DOCK1: variants seen among roughly 807,000 people sequenced by gnomAD.
The protein encoded by DOCK1 is dedicator of cytokinesis 1, also known as dedicator of cytokinesis protein 1.
Under a neutral mutation model 262.7 loss-of-function variants are expected in DOCK1, and 138 were observed. The observed-to-expected ratio is 0.53, with a 90% CI of 0.46 to 0.61. DOCK1 has a LOEUF of 0.61. Ranked by LOEUF, DOCK1 falls within the 20% of genes least tolerant of loss-of-function variation. DOCK1 has a pLI of 0.00. For synonymous variants in DOCK1, 866 were observed against 867.4 expected, an observed-to-expected ratio of 1.00 and a Z score of 0.03; for missense variants, 1,908 against 2,370.7, an observed-to-expected ratio of 0.80 and a Z score of 4.05.
intron 10 of DOCK1, among the ~76,000 whole-genome samples, chr10:127,006,590 G>C (rs2041042456): frequency 6.6e-6 from 1 of 152,206 alleles, no homozygotes; most frequent in Admixed American, 6.5e-5. Context: ...AGTCAGGGGA[G>C]TCCCTGGGAA....
intron 1 of DOCK1, among the ~76,000 whole-genome samples, chr10:126,957,037 G>T (rs982911946): frequency 1.3e-5 from 2 of 152,176 alleles, no homozygotes; most frequent in African/African-American, 4.8e-5. Context: ...GGCTGCACCC[G>T]ACGGGGGAAA....
chr10:127,280,033 T>TA (rs1554939163), intron 29 of DOCK1, among the ~76,000 whole-genome samples: 2 of 107,296 alleles, frequency 1.9e-5, no homozygotes, highest in African/African-American at 6.9e-5. Flanking sequence ...TATATATATA[T>TA]AATTTTTTTT....
intron 1 of DOCK1, among the ~76,000 whole-genome samples, chr10:126,925,624 C>T (rs562571243): frequency 7.9e-5 from 12 of 152,148 alleles, no homozygotes; most frequent in African/African-American, 2.2e-4. Flanking sequence ...TCTCGTGATC[C>T]GCCTGCCTCG....
intron 38 of DOCK1, among the ~76,000 whole-genome samples, chr10:127,397,118 T>A (rs1340916350): frequency 2.2e-3 from 190 of 88,150 alleles, no homozygotes; most frequent in African/African-American, 7.7e-3. Flanking sequence ...ACGGGCGGTG[T>A]CTCCTATGTG....
intron 25 of DOCK1, among the ~76,000 whole-genome samples, chr10:127,124,997 G>A (rs374680650): frequency 6.6e-6 from 1 of 152,054 alleles, no homozygotes; most frequent in African/African-American, 2.4e-5. Flanking sequence ...GGCACCTGTA[G>A]TCCCAGCTAC....
chr10:126,990,389 T>G, intron 5 of DOCK1, 66 bp from the exon 6 acceptor site: 1 of 1,485,394 alleles, frequency 6.7e-7, no homozygotes, highest in South Asian at 1.3e-5. Flanking sequence ...GAGATAGCCA[T>G]TCTCTACCAT....
At chr10:127,363,848 C>T (rs1262060936) in intron 33 of DOCK1, among the ~76,000 whole-genome samples, 2 of 152,210 alleles carry the variant, frequency 1.3e-5, no homozygotes, top group African/African-American at 4.8e-5. Flanking sequence ...GGCAGGGAGA[C>T]TGAGATTCAC....
At chr10:127,267,243 C>T (rs1218172532) in intron 29 of DOCK1, among the ~76,000 whole-genome samples, 1 of 152,208 alleles carries the variant, frequency 6.6e-6, no homozygotes, top group African/African-American at 2.4e-5. Context: ...GGGATGGAAA[C>T]TGACCTACGA....
chr10:127,447,420 G>GACGGGGA lies in DOCK1; in HGVS notation c.5440_5441insACGGGGA (p.Ala1814AspfsTer110). 6.2e-7 allele frequency: 1 copy of GACGGGGA among 1,612,280 alleles called. No individual in the cohort carries two copies. Among genetic ancestry groups the GACGGGGA allele is most frequent in the Non-Finnish European group, 8.5e-7 (1 of 1,179,102 alleles). On this transcript the variant is annotated frameshift_variant, in exon 51 of 52. Transcript: ENST00000623213. LOFTEE classifies it high-confidence loss of function. ...CTTGGAGCTGAACGGCATGACGGGG[G>GACGGGGA]CGGACGTGGCCGATGTCCCACCCCC...
chr10:127,018,695 C>G lies in DOCK1; in HGVS notation c.1202-15C>G, dbSNP rs1310444655. Reference sequence around the variant, plus strand: ...AGGATAAAATGCGACTTAAGAGCATCCATTGTTTTTCCAGGTTTGTGGGTA... The same window carrying G: ...AGGATAAAATGCGACTTAAGAGCATGCATTGTTTTTCCAGGTTTGTGGGTA... On this transcript the variant is annotated splice_polypyrimidine_tract_variant and intron_variant, in intron 12 of 51. Coordinates refer to ENST00000623213, the MANE Select transcript of DOCK1 (RefSeq NM_001290223.2). The G allele has an allele frequency of 1.2e-6, 2 of 1,614,006 alleles. No homozygotes were observed. Among genetic ancestry groups the G allele is most frequent in the Non-Finnish European group, 1.7e-6 (2 of 1,179,894 alleles).
chr10:127,091,201 T>A (rs934792372), intron 23 of DOCK1, among the ~76,000 whole-genome samples: 1 of 152,134 alleles, frequency 6.6e-6, no homozygotes, highest in African/African-American at 2.4e-5. Context: ...GCCAGGATGG[T>A]CTCGATCTCC....
chr10:127,009,187 A>C (rs1052430741), intron 11 of DOCK1, among the ~76,000 whole-genome samples: 1 of 152,214 alleles, frequency 6.6e-6, no homozygotes, highest in Non-Finnish European at 1.5e-5. Context: ...AAAATAAAAA[A>C]ACAAACAATT....
Position 127,169,310 on chromosome 10 carries a change from C to G in DOCK1, c.2847+41546C>G, listed in dbSNP as rs78125021. On this transcript the variant is annotated intron_variant, in intron 27 of 51. Coordinates refer to ENST00000623213, the MANE Select transcript of DOCK1 (RefSeq NM_001290223.2). The stretch of plus-strand genomic sequence containing the variant: ...CTGTGAACCCCTCAAAGGCTGGGCC[C>G]GAATTCCTTTGACTCTCACATCCCC... 9.4e-3 allele frequency among the ~76,000 whole-genome samples: 1,429 copies of G among 152,260 alleles called. 21 individuals carry two copies. The highest frequency in any genetic ancestry group is 0.033 in the African/African-American group (1,352 of 41,552).
chr10:127,090,329 G>A (rs971892653), intron 23 of DOCK1, among the ~76,000 whole-genome samples: 6 of 152,100 alleles, frequency 3.9e-5, no homozygotes, highest in Non-Finnish European at 5.9e-5. Flanking sequence ...TTTGTCGGTC[G>A]CCGCTGGAGA....
chr10:127,066,630 G>T (rs1168481569), intron 23 of DOCK1, among the ~76,000 whole-genome samples: 3 of 152,168 alleles, frequency 2.0e-5, no homozygotes, highest in Non-Finnish European at 2.9e-5. Flanking sequence ...AAACATCTGG[G>T]TGTGAGGAGC....
At chr10:127,220,688 G>A (rs187739687) in intron 27 of DOCK1, among the ~76,000 whole-genome samples, 38 of 152,172 alleles carry the variant, frequency 2.5e-4, no homozygotes, top group Non-Finnish European at 2.1e-4. Context: ...TAATATGGAG[G>A]GCGGAGGGTG....
intron 27 of DOCK1, among the ~76,000 whole-genome samples, chr10:127,192,206 C>T (rs969874283): frequency 1.3e-5 from 2 of 152,120 alleles, no homozygotes; most frequent in Non-Finnish European, 2.9e-5. Flanking sequence ...GAGAACATGT[C>T]TATGGATGTG....
chr10:127,165,936 G>A (rs1033335131), intron 27 of DOCK1, among the ~76,000 whole-genome samples: 1 of 152,220 alleles, frequency 6.6e-6, no homozygotes, highest in Non-Finnish European at 1.5e-5. Context: ...TTCTCCAGAA[G>A]ATGAATTGGC....
At position 127,141,331 on chromosome 10, in the gene DOCK1, G is replaced by T. The variant is rs1328857583; in HGVS notation, c.2847+13567G>T. Among the ~76,000 whole-genome samples, 3 of 152,312 alleles carry T rather than the reference G, an allele frequency of 2.0e-5. No homozygotes were observed. In the East Asian group the frequency reaches 5.8e-4, roughly 29 times the overall value. ...TGCGGTCATCCTCTTTCTGTTTCCAGCAACTATAGCAGGGGCTGGGTCCTA... is the reference window on the plus strand; with the variant it reads ...TGCGGTCATCCTCTTTCTGTTTCCATCAACTATAGCAGGGGCTGGGTCCTA... On this transcript the variant is annotated intron_variant, in intron 27 of 51. Transcript: ENST00000623213.
Sources: allele counts gnomAD v4.1 joint callset (sites outside exome capture counted in the v4.1 genomes callset), GRCh38; gene constraint gnomAD v4.1.1; transcripts MANE v1.5; gene names NCBI Gene and HGNC (gene_info 2026-07-23, HGNC 2026-07-21).